Variants in MGRN1 observed in about 807,000 individuals in gnomAD.
MGRN1 encodes the protein mahogunin ring finger 1.
In MGRN1, 29 loss-of-function variants were observed where a neutral mutation model predicts 69.2. The observed-to-expected ratio is 0.42, with a 90% confidence interval of 0.31 to 0.57. The LOEUF is 0.57. MGRN1 is among the 20% of genes least tolerant of loss of function. MGRN1 has a pLI of 0.15. For missense variants in MGRN1, 998 were observed against 796.2 expected, an observed-to-expected ratio of 1.25 and a Z score of -3.05; for synonymous variants, 470 against 344.2, an observed-to-expected ratio of 1.37 and a Z score of -4.04.
At chr16:4,663,439 T>G (rs976567616) in intron 5 of MGRN1, among the ~76,000 whole-genome samples, 1 of 149,640 alleles carries the variant, frequency 6.7e-6, no homozygotes, top group African/African-American at 2.4e-5. Flanking sequence ...TCACTCGTGT[T>G]AAGCGAATGA....
At chr16:4,650,833 A>G (rs1390264558) in intron 2 of MGRN1, 1 of 172,640 alleles carries the variant, frequency 5.8e-6, no homozygotes, top group Non-Finnish European at 1.2e-5. Flanking sequence ...CAGACTGGGC[A>G]TTGTGGCTCA....
Position 4,624,936 on chromosome 16 carries a change from C to T in MGRN1, c.-25C>T, listed in dbSNP as rs776454339. 6 of 1,519,802 alleles carry T rather than the reference C, an allele frequency of 3.9e-6. No homozygotes were observed. The East Asian group carries it at 1.1e-4, about 29-fold the overall frequency. 94.1% of individuals were successfully genotyped at this position (1,519,802 alleles called of 1,614,324 possible). On this transcript the variant is annotated 5_prime_UTR_variant, in exon 1 of 17. Coordinates refer to ENST00000262370, the MANE Select transcript of MGRN1 (RefSeq NM_015246.4). ...CGCCGCTCCCGTTCCGGCCCTGGCC[C>T]CTCTGCCCGGCAGCGCCGCGCACCA...
Position 4,680,062 on chromosome 16 carries a change from G to A in MGRN1, c.1096G>A (p.Ala366Thr), listed in dbSNP as rs372525104. The A allele has an allele frequency of 4.5e-5, 73 of 1,613,924 alleles. 1 individual carries two copies. In the East Asian group the frequency reaches 4.7e-4, roughly 10 times the overall value. ...CPFKKSKPHP[A>T]SLASKKPKRE... ...CTTTAAAAAATCAAAGCCGCACCCC[G>A]CCTCCCTGGCCAGCAAGAAACCTAA... Residue 366 changes from alanine (A) to threonine (T), a missense_variant, in exon 12 of 17, where the codon GCC (alanine) becomes ACC (threonine). Coordinates refer to ENST00000262370, the MANE Select transcript of MGRN1 (RefSeq NM_015246.4).
chr16:4,652,954 C>A, intron 4 of MGRN1, 130 bp downstream of exon 4: 1 of 1,230,668 alleles, frequency 8.1e-7, no homozygotes, highest in Non-Finnish European at 1.1e-6. Flanking sequence ...CAGGACTTTA[C>A]CACGATGTGA....
chr16:4,673,680 C>A (rs764173774), intron 10 of MGRN1, 23 bp downstream of exon 10: 2 of 1,610,122 alleles, frequency 1.2e-6, no homozygotes, highest in Non-Finnish European at 8.5e-7. Flanking sequence ...GCCGGCTGTT[C>A]TGTGGAAGGT....
At chr16:4,635,746 C>T (rs573329810) in intron 1 of MGRN1, among the ~76,000 whole-genome samples, 159 of 151,962 alleles carry the variant, frequency 1.0e-3, no homozygotes, top group South Asian at 7.5e-3. Flanking sequence ...GCGACTCTCC[C>T]GCCAAAGCCT....
At chr16:4,686,431 G>A in intron 16 of MGRN1, 2 of 1,434,684 alleles carry the variant, frequency 1.4e-6, no homozygotes, top group Non-Finnish European at 1.8e-6. Flanking sequence ...ATCTTCCCAG[G>A]GGCCCTGGAT....
intron 1 of MGRN1, among the ~76,000 whole-genome samples, chr16:4,638,138 C>G (rs539887653): frequency 6.6e-5 from 10 of 152,242 alleles, no homozygotes; most frequent in Non-Finnish European, 1.3e-4. Flanking sequence ...TCAGGACGTC[C>G]TGAGTTTAGG....
At chr16:4,643,593 C>CA (rs1320927648) in intron 1 of MGRN1, among the ~76,000 whole-genome samples, 2 of 151,576 alleles carry the variant, frequency 1.3e-5, no homozygotes, top group East Asian at 3.9e-4. Context: ...AGGATGGTCT[C>CA]CATCTCCTGA....
Position 4,677,533 on chromosome 16 carries a change from C to T in MGRN1, c.1026C>T (p.Ser342=). The change falls in exon 11 of 17, where the codon AGC becomes AGT. Residue 342 remains serine (S), a synonymous_variant. Coordinates refer to ENST00000262370, the MANE Select transcript of MGRN1 (RefSeq NM_015246.4). ...GAGCCCTGTCCCCCGTGTCCTTCAG[C>T]CCCGTCCTGGCCCAGAGCCTGGAGC... ...KPGALSPVSF[S]PVLAQSLEHD... is the part of the protein sequence containing the mutation. 6.3e-7 allele frequency: 1 copy of T among 1,599,714 alleles called. No homozygotes were observed. The highest frequency in any genetic ancestry group is 8.5e-7 in the Non-Finnish European group (1 of 1,179,270).
intron 1 of MGRN1, among the ~76,000 whole-genome samples, chr16:4,626,508 C>A (rs1258811827): frequency 6.6e-6 from 1 of 152,182 alleles, no homozygotes; most frequent in Non-Finnish European, 1.5e-5. Flanking sequence ...CTTATACAGC[C>A]CTCAGAACCA....
chr16:4,688,627 C>T, intron 16 of MGRN1, 169 bp from the exon 17 acceptor site: 2 of 1,404,684 alleles, frequency 1.4e-6, no homozygotes, highest in Non-Finnish European at 1.9e-6. Context: ...GTTAGGGAGT[C>T]CCCGGGCCCT....
At chr16:4,649,103 C>T (rs1315086300) in intron 1 of MGRN1, 1 of 152,738 alleles carries the variant, frequency 6.5e-6, no homozygotes, top group African/African-American at 2.4e-5. Context: ...AAGCGCAGAT[C>T]TCATGCCTAA....
intron 16 of MGRN1, among the ~76,000 whole-genome samples, chr16:4,684,837 G>T (rs941065421): frequency 6.6e-6 from 1 of 152,242 alleles, no homozygotes; most frequent in African/African-American, 2.4e-5. Context: ...ACTGCTTAGG[G>T]AGTGTGGCTC....
Position 4,661,004 on chromosome 16 carries a change from CAG to C in MGRN1, c.561+3642_561+3643del, listed in dbSNP as rs146176270. On this transcript the variant is annotated intron_variant, in intron 5 of 16. Transcript: ENST00000262370. ...TTTATTTTTCCCCCTTTTTTTGAGACAGGGGCTCACTCTGTCTCCCAGGCTGG... is the reference window on the plus strand; with the variant it reads ...TTTATTTTTCCCCCTTTTTTTGAGACGGGCTCACTCTGTCTCCCAGGCTGG... Among the ~76,000 whole-genome samples the C allele has an allele frequency of 7.7e-4, 117 of 152,218 alleles. 1 individual carries two copies. The East Asian group carries it at 0.011, about 15-fold the overall frequency.
chr16:4,686,724 G>A (rs2079328192), intron 16 of MGRN1: 4 of 1,014,366 alleles, frequency 3.9e-6, no homozygotes, highest in Non-Finnish European at 4.7e-6. Context: ...GCGTCCCAAG[G>A]GGAGAGGCCT....
At chr16:4,650,552 C>A in intron 2 of MGRN1, 69 bp downstream of exon 2, 2 of 1,266,004 alleles carry the variant, frequency 1.6e-6, no homozygotes, top group South Asian at 2.7e-5. Flanking sequence ...CAGTCCGCAT[C>A]CCAGCCATGA....
intron 8 of MGRN1, 104 bp from the exon 9 acceptor site, chr16:4,671,287 T>G (rs78431070): frequency 0.023 from 25,739 of 1,097,126 alleles, 461 homozygotes; most frequent in African/African-American, 0.07. Flanking sequence ...TGACCCCTGG[T>G]ATGGAAGCCT....
At chr16:4,665,081 C>CT (rs761738649) in intron 6 of MGRN1, 21 bp from the exon 7 acceptor site, 3 of 1,614,220 alleles carry the variant, frequency 1.9e-6, no homozygotes, top group East Asian at 2.2e-5. Flanking sequence ...TCTGACTACT[C>CT]TGCCCCTCTC....
Sources: gnomAD v4.1 joint callset for allele counts (sites outside exome capture counted in the v4.1 genomes callset) on GRCh38, gnomAD v4.1.1 for gene constraint, MANE v1.5 for transcripts, NCBI Gene and HGNC (gene_info 2026-07-23, HGNC 2026-07-21) for gene names.